Variants in HS3ST5 observed in about 807,000 individuals in gnomAD.
HS3ST5 encodes the protein heparan sulfate-glucosamine 3-sulfotransferase 5.
In HS3ST5, 10 loss-of-function variants were observed where a neutral mutation model predicts 25.4. The observed-to-expected ratio is 0.39, with a 90% confidence interval of 0.24 to 0.67. The LOEUF (loss-of-function observed/expected upper bound fraction) is 0.67, where lower values mean the gene tolerates loss of function less well. Among genes scored for constraint, HS3ST5 ranks in the 30% least tolerant of loss-of-function variants. The pLI, the probability that HS3ST5 is intolerant of heterozygous loss-of-function variation, is 0.44. For synonymous variants in HS3ST5, 170 were observed against 162.4 expected (o/e 1.05, Z -0.36); for missense variants, 324 against 420.7 (o/e 0.77, Z 2.01).
At chr6:114,238,915 T>C (rs1257163096) in intron 1 of HS3ST5, 2 of 152,340 alleles carry the variant, frequency 1.3e-5, no homozygotes, top group Middle Eastern at 3.4e-3. Context: ...TCTAGGTTTG[T>C]TGTCAGTTTC....
intron 3 of HS3ST5, among the ~76,000 whole-genome samples, chr6:114,092,594 A>G (rs914854018): frequency 6.6e-6 from 1 of 152,280 alleles, no homozygotes; most frequent in Admixed American, 6.5e-5. Context: ...GAAAAATAGA[A>G]ATAAAAATAA....
intron 2 of HS3ST5, among the ~76,000 whole-genome samples, chr6:114,194,856 G>A (rs1391886841): frequency 6.6e-6 from 1 of 152,196 alleles, no homozygotes; most frequent in Non-Finnish European, 1.5e-5. Flanking sequence ...ATAAAACCCT[G>A]TCCTATTTGT....
chr6:114,274,343 C>T (rs1282120040), intron 1 of HS3ST5, among the ~76,000 whole-genome samples: 4 of 151,966 alleles, frequency 2.6e-5, no homozygotes, highest in Non-Finnish European at 5.9e-5. Context: ...GGCTTCTGGG[C>T]AGCACTAAGG....
chr6:114,233,155 T>C (rs1241003105), intron 1 of HS3ST5, among the ~76,000 whole-genome samples: 3 of 152,094 alleles, frequency 2.0e-5, no homozygotes, highest in Admixed American at 2.0e-4. Context: ...AATGAACAAT[T>C]ACTTTGCAGT....
intron 1 of HS3ST5, among the ~76,000 whole-genome samples, chr6:114,240,419 A>G (rs750329471): frequency 3.3e-4 from 51 of 152,284 alleles, no homozygotes; most frequent in Non-Finnish European, 2.4e-4. Flanking sequence ...AAACATCTCA[A>G]TGTTAAAATC....
chr6:114,285,444 T>A (rs1402189323), intron 1 of HS3ST5, among the ~76,000 whole-genome samples: 1 of 152,004 alleles, frequency 6.6e-6, no homozygotes, highest in Non-Finnish European at 1.5e-5. Flanking sequence ...ACTTAAAAGT[T>A]AAATTTAAAT....
chr6:114,116,436 C>T (rs1408868176), intron 3 of HS3ST5, among the ~76,000 whole-genome samples: 1 of 152,058 alleles, frequency 6.6e-6, no homozygotes, highest in African/African-American at 2.4e-5. Context: ...ACCATAACCT[C>T]TCTTTACCTG....
chr6:114,286,650 C>G (rs998028147), intron 1 of HS3ST5, among the ~76,000 whole-genome samples: 1 of 151,872 alleles, frequency 6.6e-6, no homozygotes, highest in Non-Finnish European at 1.5e-5. Context: ...CTATCCTTCC[C>G]TTTTACAAAC....
chr6:114,112,415 C>G (rs934054567), intron 3 of HS3ST5: 12 of 152,214 alleles, frequency 7.9e-5, no homozygotes, highest in African/African-American at 2.9e-4. Flanking sequence ...TTAGTGCCTC[C>G]AGAAGGAATG....
At chr6:114,274,045 G>T (rs951708328) in intron 1 of HS3ST5, among the ~76,000 whole-genome samples, 2 of 152,018 alleles carry the variant, frequency 1.3e-5, no homozygotes, top group African/African-American at 4.8e-5. Context: ...GGGAGAACTG[G>T]TGGAGTAGTT....
At chr6:114,166,570 T>G (rs1334150432) in intron 3 of HS3ST5, among the ~76,000 whole-genome samples, 1 of 152,226 alleles carries the variant, frequency 6.6e-6, no homozygotes, top group African/African-American at 2.4e-5. Flanking sequence ...AATGTTATTT[T>G]TTTATAGATA....
intron 2 of HS3ST5, among the ~76,000 whole-genome samples, chr6:114,222,654 C>A (rs1782096164): frequency 6.6e-6 from 1 of 151,878 alleles, no homozygotes; most frequent in African/African-American, 2.4e-5. Context: ...TGTATATATA[C>A]CCTGCTCGTG....
At chr6:114,226,388 A>C (rs2114513525) in intron 2 of HS3ST5, among the ~76,000 whole-genome samples, 1 of 152,084 alleles carries the variant, frequency 6.6e-6, no homozygotes, top group African/African-American at 2.4e-5. Flanking sequence ...TTAAGTACTT[A>C]GGTATCTATA....
chr6:114,127,555 A>AGCAT (rs1372992502), intron 3 of HS3ST5, among the ~76,000 whole-genome samples: 3 of 152,156 alleles, frequency 2.0e-5, no homozygotes, highest in African/African-American at 7.2e-5. Flanking sequence ...TGGGCATTTC[A>AGCAT]GCATTCATAT....
intron 2 of HS3ST5, among the ~76,000 whole-genome samples, chr6:114,178,197 A>G (rs537577054): frequency 6.6e-6 from 1 of 152,294 alleles, no homozygotes; most frequent in South Asian, 2.1e-4. Context: ...CAGGAAAATC[A>G]GGCATATTTC....
intron 3 of HS3ST5, among the ~76,000 whole-genome samples, chr6:114,152,114 G>A (rs1167203288): frequency 6.6e-6 from 1 of 151,772 alleles, no homozygotes; most frequent in East Asian, 1.9e-4. Context: ...AGTAGAGACG[G>A]GGTTTCATCT....
At chr6:114,184,956 G>A (rs1295306520) in intron 2 of HS3ST5, among the ~76,000 whole-genome samples, 1 of 152,100 alleles carries the variant, frequency 6.6e-6, no homozygotes, top group Non-Finnish European at 1.5e-5. Context: ...TTGTATTTTG[G>A]AAGCACATAA....
intron 2 of HS3ST5, among the ~76,000 whole-genome samples, chr6:114,210,125 CA>C (rs1338352831): frequency 1.3e-4 from 20 of 152,124 alleles, no homozygotes; most frequent in Admixed American, 1.2e-3. Flanking sequence ...GGAAATGTTG[CA>C]AAAACACTTA....
At chr6:114,308,283 G>A (rs1775380045) in intron 1 of HS3ST5, among the ~76,000 whole-genome samples, 2 of 152,082 alleles carry the variant, frequency 1.3e-5, no homozygotes, top group South Asian at 4.1e-4. Flanking sequence ...AAACAGTGTA[G>A]TTTAAAACTA....
Sources: gnomAD v4.1 joint callset for allele counts (sites outside exome capture counted in the v4.1 genomes callset) on GRCh38, gnomAD v4.1.1 for gene constraint, MANE v1.5 for transcripts, NCBI Gene and HGNC (gene_info 2026-07-23, HGNC 2026-07-21) for gene names.